The following STXBP5L variants were observed in gnomAD, a reference collection of about 807,000 sequenced individuals.
STXBP5L encodes syntaxin-binding protein 5-like.
Under a neutral mutation model 144.5 loss-of-function variants are expected in STXBP5L, and 65 were observed. The ratio of observed to expected loss-of-function variants is 0.45; its 90% CI spans 0.37 to 0.55. The LOEUF (loss-of-function observed/expected upper bound fraction) is 0.55, where lower values mean the gene tolerates loss of function less well. Among genes scored for constraint, STXBP5L ranks in the 20% least tolerant of loss-of-function variants. The probability of loss-of-function intolerance (pLI) is 0.00; values close to 1 mark genes in which losing one functional copy is unlikely to be tolerated. For synonymous variants in STXBP5L, 505 were observed against 469.6 expected (o/e 1.08, Z -0.97); for missense variants, 1,298 against 1,405.5 (o/e 0.92, Z 1.22).
In STXBP5L at chr3:121,292,392, C is replaced by T. The variant is rs562811579; in HGVS notation, c.2110+12436C>T. On this transcript the variant is annotated intron_variant, in intron 19 of 26. Transcript: ENST00000471454. ...CGTAATTTAAAAATCAAAAATAATA[C>T]ATGTTAGCATGGATATAGTGAAAAG... is the stretch of plus-strand genomic sequence containing the variant. Among the ~76,000 whole-genome samples, 489 of 152,160 alleles carry T rather than the reference C, an allele frequency of 3.2e-3. 1 individual carries two copies. Among genetic ancestry groups the T allele is most frequent in the Non-Finnish European group, 4.3e-3 (290 of 67,954 alleles).
intron 5 of STXBP5L, among the ~76,000 whole-genome samples, chr3:121,113,402 C>G (rs1239176841): frequency 6.6e-6 from 1 of 152,118 alleles, no homozygotes; most frequent in East Asian, 1.9e-4. Flanking sequence ...TCCTGTGCAA[C>G]ATTATTAAAT....
chr3:121,166,999 C>T (rs1055981461), intron 9 of STXBP5L, among the ~76,000 whole-genome samples: 2 of 121,662 alleles, frequency 1.6e-5, no homozygotes, highest in African/African-American at 7.3e-5. Flanking sequence ...AGAAAAAAAA[C>T]GAAGGAGCCT....
intron 3 of STXBP5L, among the ~76,000 whole-genome samples, chr3:121,032,068 G>A (rs1946409312): frequency 6.6e-6 from 1 of 151,996 alleles, no homozygotes; most frequent in Non-Finnish European, 1.5e-5. Flanking sequence ...TGAAATTTGG[G>A]GAAGAATTCT....
intron 5 of STXBP5L, among the ~76,000 whole-genome samples, chr3:121,052,372 C>G (rs1374394735): frequency 2.0e-5 from 3 of 152,132 alleles, no homozygotes; most frequent in African/African-American, 7.2e-5. Context: ...CAGAATCCAG[C>G]AGCACATCAA....
intron 3 of STXBP5L, among the ~76,000 whole-genome samples, chr3:121,036,451 T>A (rs1946759778): frequency 6.6e-6 from 1 of 152,174 alleles, no homozygotes; most frequent in Non-Finnish European, 1.5e-5. Context: ...TGTCTTCCTT[T>A]CCAGCCTGCA....
At chr3:120,983,286 C>A (rs1261710681) in intron 3 of STXBP5L, among the ~76,000 whole-genome samples, 1 of 152,032 alleles carries the variant, frequency 6.6e-6, no homozygotes, top group African/African-American at 2.4e-5. Context: ...CACTGTGGGT[C>A]TGCCATGGCA....
intron 19 of STXBP5L, 136 bp downstream of exon 19, chr3:121,280,092 A>G: frequency 1.8e-6 from 2 of 1,089,868 alleles, no homozygotes; most frequent in Non-Finnish European, 2.5e-6. Context: ...AAAATCATGT[A>G]AGTAAAATAA....
chr3:121,041,888 G>A, intron 4 of STXBP5L, 107 bp downstream of exon 4: 3 of 695,532 alleles, frequency 4.3e-6, no homozygotes, highest in Non-Finnish European at 5.0e-6. Flanking sequence ...AAATATATAT[G>A]CATGCAATAT....
intron 11 of STXBP5L, among the ~76,000 whole-genome samples, chr3:121,225,786 A>T (rs1015951447): frequency 2.0e-5 from 3 of 152,220 alleles, no homozygotes; most frequent in African/African-American, 7.2e-5. Flanking sequence ...TAGAGGTGGT[A>T]AGCACAATGG....
At chr3:121,152,731 CTTT>C (rs1484740900) in intron 8 of STXBP5L, among the ~76,000 whole-genome samples, 171 bp downstream of exon 8, 7 of 152,084 alleles carry the variant, frequency 4.6e-5, no homozygotes, top group African/African-American at 1.7e-4. Context: ...CTAGATTTTT[CTTT>C]TAAGAGGAAA....
chr3:121,321,706 CTGTT>C (rs1287323931), intron 20 of STXBP5L, among the ~76,000 whole-genome samples: 1 of 152,174 alleles, frequency 6.6e-6, no homozygotes, highest in African/African-American at 2.4e-5. Context: ...CTGTAGGTAT[CTGTT>C]TGGGAATCTC....
chr3:121,314,938 C>G (rs2043727775), intron 19 of STXBP5L, among the ~76,000 whole-genome samples: 1 of 152,074 alleles, frequency 6.6e-6, no homozygotes, highest in Non-Finnish European at 1.5e-5. Context: ...CAATGAGATA[C>G]CATCTCACAC....
At chr3:121,142,793 A>G (rs1034023400) in intron 7 of STXBP5L, among the ~76,000 whole-genome samples, 27 of 151,930 alleles carry the variant, frequency 1.8e-4, no homozygotes, top group African/African-American at 6.3e-4. Flanking sequence ...ACATTAAAAA[A>G]TAAGAAAGAC....
intron 20 of STXBP5L, among the ~76,000 whole-genome samples, chr3:121,333,254 A>G (rs965195795): frequency 6.6e-6 from 1 of 152,168 alleles, no homozygotes; most frequent in African/African-American, 2.4e-5. Flanking sequence ...GTTAAATGTA[A>G]GTGGTCTAAA....
chr3:121,358,197 T>A (rs986534374), intron 20 of STXBP5L, among the ~76,000 whole-genome samples: 2 of 152,130 alleles, frequency 1.3e-5, no homozygotes, highest in African/African-American at 4.8e-5. Flanking sequence ...TGTCAAATAG[T>A]AGGTCTGATT....
At chr3:121,238,560 T>G (rs563500933) in intron 12 of STXBP5L, among the ~76,000 whole-genome samples, 21 of 152,252 alleles carry the variant, frequency 1.4e-4, no homozygotes, top group Admixed American at 5.2e-4. Flanking sequence ...AAGTCAAAAT[T>G]TACTTATATT....
chr3:121,340,987 A>C (rs747389949), intron 20 of STXBP5L, among the ~76,000 whole-genome samples: 1 of 152,098 alleles, frequency 6.6e-6, no homozygotes, highest in African/African-American at 2.4e-5. Context: ...TGGTAACCTC[A>C]AATAAAAAAT....
At chr3:121,203,495 G>A (rs1203547079) in intron 9 of STXBP5L, among the ~76,000 whole-genome samples, 1 of 151,858 alleles carries the variant, frequency 6.6e-6, no homozygotes. Flanking sequence ...CTAACACTTG[G>A]TACACTACTC....
At chr3:121,264,005 C>G (rs898182076) in intron 18 of STXBP5L, among the ~76,000 whole-genome samples, 3 of 152,058 alleles carry the variant, frequency 2.0e-5, no homozygotes, top group Admixed American at 1.3e-4. Flanking sequence ...AAGACACATA[C>G]TTGTCAGATT....
Sources: gnomAD v4.1 joint callset for allele counts (sites outside exome capture counted in the v4.1 genomes callset) on GRCh38, gnomAD v4.1.1 for gene constraint, MANE v1.5 for transcripts, NCBI Gene and HGNC (gene_info 2026-07-23, HGNC 2026-07-21) for gene names.